Variants in CTBP2 observed in about 807,000 individuals in gnomAD.
The protein encoded by CTBP2 is C-terminal binding protein 2.
Under a neutral mutation model 80.3 loss-of-function variants are expected in CTBP2, and 30 were observed. The ratio of observed to expected loss-of-function variants is 0.37; its 90% CI spans 0.28 to 0.51. The LOEUF (loss-of-function observed/expected upper bound fraction) is 0.51. CTBP2 is among the 20% of genes least tolerant of loss of function. The pLI, the probability that CTBP2 is intolerant of heterozygous loss-of-function variation, is 0.93. For synonymous variants in CTBP2, 594 were observed against 587.4 expected, an observed-to-expected ratio of 1.01 and a Z score of -0.16; for missense variants, 1,212 against 1,375.3, an observed-to-expected ratio of 0.88 and a Z score of 1.88.
chr10:125,023,050 A>T lies in CTBP2; in HGVS notation c.1678+3032T>A, dbSNP rs374508567. Among the ~76,000 whole-genome samples the T allele has an allele frequency of 5.3e-5, 8 of 152,322 alleles. No individual in the cohort carries two copies. The South Asian group carries it at 1.7e-3, about 32-fold the overall frequency. ...AGGCCACACGAAAAGAAGCCATGAG[A>T]GTGACCAGCTCTGGTGACAGGTAAC... On this transcript the variant is annotated intron_variant, in intron 1 of 8. Transcript: ENST00000309035.
intron 2 of CTBP2, among the ~76,000 whole-genome samples, chr10:125,107,277 T>G (rs1396718795): frequency 6.6e-6 from 1 of 152,212 alleles, no homozygotes; most frequent in African/African-American, 2.4e-5. Flanking sequence ...TTCCTCTGGT[T>G]TGTGGTTTCG....
intron 2 of CTBP2, among the ~76,000 whole-genome samples, chr10:125,101,454 C>T (rs1403889804): frequency 1.3e-5 from 2 of 152,232 alleles, no homozygotes; most frequent in African/African-American, 4.8e-5. Context: ...GGTGCCAGCA[C>T]CTCGCCTTGG....
At chr10:125,096,780 TG>T (rs1038630640) in intron 2 of CTBP2, among the ~76,000 whole-genome samples, 27 of 4,380 alleles carry the variant, frequency 6.2e-3, no homozygotes, top group African/African-American at 0.021. Context: ...AGTGGTTTAA[TG>T]GGGGGGTGGG....
At chr10:125,088,012 G>A (rs1473110649) in intron 2 of CTBP2, among the ~76,000 whole-genome samples, 1 of 152,040 alleles carries the variant, frequency 6.6e-6, no homozygotes, top group Non-Finnish European at 1.5e-5. Flanking sequence ...ACCTCCTTCG[G>A]TGAGCTCTTC....
Position 125,090,285 on chromosome 10 carries a change from C to CAAAAAAAAAAAAAAAAA in CTBP2, c.-102+20688_-102+20704dup, listed in dbSNP as rs56714830. Among the ~76,000 whole-genome samples the CAAAAAAAAAAAAAAAAA allele has an allele frequency of 3.6e-3, 236 of 65,366 alleles. 19 individuals carry two copies. Among genetic ancestry groups the CAAAAAAAAAAAAAAAAA allele is most frequent in the African/African-American group, 0.016 (226 of 14,434 alleles). The allele number at this position is 65,366 out of a possible 152,430, so 42.9% of individuals were successfully genotyped here. A position where few individuals can be genotyped will look rare whatever the true frequency, so the allele number is the denominator to read the frequency against. On this transcript the variant is annotated intron_variant, in intron 2 of 10. Transcript: ENST00000337195. ...TCTGGGCGACAGAGAGTCCCTGGCT[C>CAAAAAAAAAAAAAAAAA]AAAAAAAAAAAAAAAAAGGTTGGGG...
At chr10:125,145,391 C>T (rs1335241448) in intron 1 of CTBP2, among the ~76,000 whole-genome samples, 1 of 152,142 alleles carries the variant, frequency 6.6e-6, no homozygotes, top group Non-Finnish European at 1.5e-5. Flanking sequence ...GCACCCCCAA[C>T]CCCAGGTACC....
rs1244353377 is a variant in CTBP2 at position 125,086,046 on chromosome 10, C to CCA, written c.-102+24942_-102+24943dup. On this transcript the variant is annotated intron_variant, in intron 2 of 10. Coordinates refer to the CTBP2 transcript ENST00000337195. ...CCAATCTCAGCCTCCCCACAGAGAA[C>CCA]CACTCCCTGTGTTCTCACCAAAGGG... 3.3e-5 allele frequency among the ~76,000 whole-genome samples: 5 copies of CCA among 152,328 alleles called. No individual in the cohort carries two copies. The East Asian group carries it at 9.6e-4, about 29-fold the overall frequency.
At chr10:124,992,208 CCT>C (rs1491231454) in intron 8 of CTBP2, among the ~76,000 whole-genome samples, 1 of 69,754 alleles carries the variant, frequency 1.4e-5, no homozygotes, top group Non-Finnish European at 3.5e-5. Context: ...TTTGAGAAGC[CCT>C]TTTTTTTTTT....
upstream of CTBP2, among the ~76,000 whole-genome samples, chr10:125,029,974 G>T (rs772887899): frequency 6.6e-6 from 1 of 152,158 alleles, no homozygotes; most frequent in Non-Finnish European, 1.5e-5. Flanking sequence ...ATTGAACCAG[G>T]AGGCCCAGCT....
chr10:125,040,477 A>AAAAG (rs36129503), intron 2 of CTBP2, among the ~76,000 whole-genome samples: 1 of 141,864 alleles, frequency 7.0e-6, no homozygotes, highest in African/African-American at 2.6e-5. Flanking sequence ...AAAAAAAAAA[A>AAAAG]GGTGGCTTGA....
intron 1 of CTBP2, among the ~76,000 whole-genome samples, chr10:125,124,069 T>A (rs980716665): frequency 1.3e-5 from 2 of 152,210 alleles, no homozygotes; most frequent in Non-Finnish European, 2.9e-5. Flanking sequence ...TACACAGTTG[T>A]ACGCTGGGCT....
At chr10:125,123,309 T>A (rs549604797) in intron 1 of CTBP2, among the ~76,000 whole-genome samples, 29 of 152,336 alleles carry the variant, frequency 1.9e-4, no homozygotes, top group African/African-American at 6.3e-4. Context: ...GAGTGCATGT[T>A]ACACTAGGGA....
intron 1 of CTBP2, among the ~76,000 whole-genome samples, chr10:125,153,359 C>G (rs925883343): frequency 2.0e-5 from 3 of 152,218 alleles, no homozygotes; most frequent in Non-Finnish European, 2.9e-5. Context: ...GCAAGCACTG[C>G]CCCCACCCGT....
In CTBP2 at chr10:125,002,262, C is replaced by A. The variant is rs917087291; in HGVS notation, c.1978+698G>T. Among the ~76,000 whole-genome samples the A allele has an allele frequency of 2.6e-5, 4 of 152,262 alleles. No homozygotes were observed. In the South Asian group the frequency reaches 8.3e-4, roughly 31 times the overall value. On this transcript the variant is annotated intron_variant, in intron 3 of 8. Coordinates refer to ENST00000309035, the MANE Select transcript of CTBP2 (RefSeq NM_022802.3). ...CTCTCCCGAGGACGCTCGATGCCAG[C>A]GGTCTGCTTCTTGTGCCTCTGCACT...
At chr10:125,127,740 C>A (rs1480769198) in intron 1 of CTBP2, among the ~76,000 whole-genome samples, 1 of 152,186 alleles carries the variant, frequency 6.6e-6, no homozygotes, top group Non-Finnish European at 1.5e-5. Context: ...CCTATACGCA[C>A]CTCCCTGTGG....
At chr10:125,057,052 T>C (rs1466468467) in intron 2 of CTBP2, among the ~76,000 whole-genome samples, 1 of 152,172 alleles carries the variant, frequency 6.6e-6, no homozygotes. Flanking sequence ...GCCCTCTGGG[T>C]TGGGCTCCGT....
chr10:125,149,755 T>C (rs760663297), intron 1 of CTBP2, among the ~76,000 whole-genome samples: 4 of 152,238 alleles, frequency 2.6e-5, no homozygotes, highest in African/African-American at 7.2e-5. Context: ...CCTTACCCTC[T>C]ATGGAAAGCC....
intron 1 of CTBP2, among the ~76,000 whole-genome samples, chr10:125,120,356 C>A (rs1262698321): frequency 6.6e-6 from 1 of 152,234 alleles, no homozygotes; most frequent in East Asian, 1.9e-4. Context: ...AAATTACTTA[C>A]AAGCGTGACC....
At chr10:125,050,958 G>A (rs1448351910) in intron 2 of CTBP2, among the ~76,000 whole-genome samples, 1 of 152,186 alleles carries the variant, frequency 6.6e-6, no homozygotes, top group Non-Finnish European at 1.5e-5. Context: ...TGAGGAGGGT[G>A]GATGGTGCCC....
Sources: allele counts gnomAD v4.1 joint callset (sites outside exome capture counted in the v4.1 genomes callset), GRCh38; gene constraint gnomAD v4.1.1; transcripts MANE v1.5; gene names NCBI Gene and HGNC (gene_info 2026-07-23, HGNC 2026-07-21).